The following DLG2 variants were observed in gnomAD, a reference collection of about 807,000 sequenced individuals.
DLG2 encodes the protein disks large homolog 2.
In DLG2, 45 loss-of-function variants were observed where a neutral mutation model predicts 132.5. The ratio of observed to expected loss-of-function variants is 0.34; its 90% confidence interval spans 0.27 to 0.44. DLG2 has a LOEUF of 0.44. DLG2 is among the 20% of genes least tolerant of loss of function. The probability of loss-of-function intolerance (pLI) is 1.00; values close to 1 mark genes in which losing one functional copy is unlikely to be tolerated. For synonymous variants in DLG2, 424 were observed against 419.6 expected (o/e 1.01, Z -0.13); for missense variants, 1,045 against 1,196.9 (o/e 0.87, Z 1.87).
At chr11:83,519,011 T>G (rs1302085927) in intron 21 of DLG2, among the ~76,000 whole-genome samples, 2 of 152,050 alleles carry the variant, frequency 1.3e-5, no homozygotes, top group African/African-American at 4.8e-5. Context: ...ACCCATCAAG[T>G]GTGGGGGTCA....
chr11:85,199,614 C>A (rs1422204726), intron 4 of DLG2, among the ~76,000 whole-genome samples: 1 of 151,976 alleles, frequency 6.6e-6, no homozygotes, highest in Non-Finnish European at 1.5e-5. Flanking sequence ...TATATTTTAC[C>A]AACCACTCAA....
At chr11:84,787,857 G>C (rs1565962540) in intron 6 of DLG2, among the ~76,000 whole-genome samples, 2 of 151,918 alleles carry the variant, frequency 1.3e-5, no homozygotes, top group East Asian at 1.9e-4. Flanking sequence ...CCAGCACTTT[G>C]GGAGGCCGAG....
intron 4 of DLG2, among the ~76,000 whole-genome samples, chr11:85,214,437 C>G (rs2082449464): frequency 6.6e-6 from 1 of 152,110 alleles, no homozygotes. Context: ...ACTTCATATG[C>G]AATTCTTACC....
chr11:83,532,911 T>C (rs2095791722), intron 20 of DLG2, 128 bp from the exon 21 acceptor site: 1 of 760,462 alleles, frequency 1.3e-6, no homozygotes, highest in African/African-American at 1.8e-5. Flanking sequence ...AAAATATTTC[T>C]CTTCCTTTGT....
chr11:83,659,031 T>C (rs1481496394), intron 18 of DLG2, among the ~76,000 whole-genome samples: 3 of 152,228 alleles, frequency 2.0e-5, no homozygotes, highest in East Asian at 3.8e-4. Context: ...CTTACTGTCT[T>C]GTATTGCCTT....
In DLG2 at chr11:83,850,162, T is replaced by TGTGTGTGTGTGTGTGTGTG. The variant is rs59045992; in HGVS notation, c.1566-16393_1566-16392insCACACACACACACACACAC. On this transcript the variant is annotated intron_variant, in intron 16 of 27. Transcript: ENST00000376104. ...TGTGTGTGTGTGTGTGTGTGTGTGT[T>TGTGTGTGTGTGTGTGTGTG]TTTTTACTTGAGACGGAGTCTCACT... 2.6e-3 allele frequency among the ~76,000 whole-genome samples: 304 copies of TGTGTGTGTGTGTGTGTGTG among 115,538 alleles called. 6 individuals are homozygous for TGTGTGTGTGTGTGTGTGTG. Among genetic ancestry groups the TGTGTGTGTGTGTGTGTGTG allele is most frequent in the Non-Finnish European group, 3.7e-3 (216 of 57,812 alleles). 75.8% of individuals were successfully genotyped at this position (115,538 alleles called of 152,430 possible). A position where few individuals can be genotyped will look rare whatever the true frequency, so the allele number is the denominator to read the frequency against.
intron 17 of DLG2, among the ~76,000 whole-genome samples, chr11:83,806,879 C>A (rs559342047): frequency 2.0e-5 from 3 of 152,120 alleles, no homozygotes; most frequent in Admixed American, 1.3e-4. Flanking sequence ...AAAGTATAAG[C>A]GAGGAGAATA....
chr11:85,125,688 T>C (rs1166272336), intron 5 of DLG2, among the ~76,000 whole-genome samples: 4 of 152,140 alleles, frequency 2.6e-5, no homozygotes, highest in Non-Finnish European at 5.9e-5. Context: ...ATCCCCACTA[T>C]AAAACTTATT....
chr11:83,573,817 T>C (rs189688675), intron 19 of DLG2, among the ~76,000 whole-genome samples: 2 of 152,166 alleles, frequency 1.3e-5, no homozygotes, highest in African/African-American at 2.4e-5. Flanking sequence ...ACAGGATAAC[T>C]ACATGTGGTT....
chr11:84,355,650 T>C (rs2098606953), intron 7 of DLG2, among the ~76,000 whole-genome samples: 1 of 152,074 alleles, frequency 6.6e-6, no homozygotes, highest in African/African-American at 2.4e-5. Context: ...GGTTATAGCT[T>C]TAGAGAGTCA....
chr11:84,915,396 A>C (rs2092393173), intron 6 of DLG2, among the ~76,000 whole-genome samples: 1 of 152,224 alleles, frequency 6.6e-6, no homozygotes, highest in African/African-American at 2.4e-5. Flanking sequence ...TGCTTTTTAA[A>C]ACATACTGAG....
chr11:83,844,790 G>GT (rs1792703045), intron 16 of DLG2, among the ~76,000 whole-genome samples: 1 of 152,036 alleles, frequency 6.6e-6, no homozygotes, highest in African/African-American at 2.4e-5. Flanking sequence ...GGTGGTAGGG[G>GT]TAACGTATGA....
chr11:83,864,336 A>C (rs1595624970), intron 16 of DLG2, among the ~76,000 whole-genome samples: 1 of 152,336 alleles, frequency 6.6e-6, no homozygotes, highest in Middle Eastern at 3.4e-3. Context: ...TTCAGGGGCA[A>C]GGCTTGGGCC....
chr11:84,192,583 A>G (rs1237059969), intron 8 of DLG2, among the ~76,000 whole-genome samples: 1 of 152,066 alleles, frequency 6.6e-6, no homozygotes, highest in East Asian at 1.9e-4. Context: ...ACAAAAAATT[A>G]GCTGGGCGTG....
intron 3 of DLG2, among the ~76,000 whole-genome samples, chr11:85,547,494 G>A (rs925969531): frequency 3.3e-5 from 5 of 152,060 alleles, no homozygotes; most frequent in Admixed American, 6.6e-5. Context: ...GTATCTTTGC[G>A]GTGTTCTCTG....
chr11:84,487,756 A>G (rs1011360307), intron 7 of DLG2, among the ~76,000 whole-genome samples: 2 of 152,012 alleles, frequency 1.3e-5, no homozygotes, highest in African/African-American at 2.4e-5. Context: ...TGTAAAGGAC[A>G]CAGCTGGGAA....
chr11:83,770,018 A>G (rs1226179724), intron 18 of DLG2, among the ~76,000 whole-genome samples: 2 of 152,156 alleles, frequency 1.3e-5, no homozygotes, highest in African/African-American at 4.8e-5. Flanking sequence ...AACACTGGCA[A>G]TAACCCGTCC....
chr11:84,515,123 C>T (rs956111298), intron 7 of DLG2, among the ~76,000 whole-genome samples: 6 of 151,408 alleles, frequency 4.0e-5, no homozygotes, highest in Admixed American at 2.0e-4. Flanking sequence ...AGCAAGACAA[C>T]GAGAGAGGAA....
intron 7 of DLG2, among the ~76,000 whole-genome samples, chr11:84,276,830 G>A (rs1033843185): frequency 1.3e-5 from 2 of 152,112 alleles, no homozygotes; most frequent in African/African-American, 4.8e-5. Flanking sequence ...TGCACTTCCA[G>A]TAAAAATAGA....
Sources: allele counts gnomAD v4.1 joint callset (sites outside exome capture counted in the v4.1 genomes callset), GRCh38; gene constraint gnomAD v4.1.1; transcripts MANE v1.5; gene names NCBI Gene and HGNC (gene_info 2026-07-23, HGNC 2026-07-21).